ARFGEF1: variants seen among roughly 807,000 people sequenced by gnomAD.
The protein encoded by ARFGEF1 is brefeldin A-inhibited guanine nucleotide-exchange protein 1.
Under a neutral mutation model 231.0 loss-of-function variants are expected in ARFGEF1, and 42 were observed. That is an observed-to-expected ratio of 0.18 (90% CI 0.14 to 0.24). The LOEUF (loss-of-function observed/expected upper bound fraction) is 0.24, where lower values mean the gene tolerates loss of function less well. ARFGEF1 is among the 10% of genes least tolerant of loss of function. The probability of loss-of-function intolerance (pLI) is 1.00; values close to 1 mark genes in which losing one functional copy is unlikely to be tolerated. For missense variants in ARFGEF1, 1,345 were observed against 2,192.0 expected (o/e 0.61, Z 7.72); for synonymous variants, 710 against 732.3 (o/e 0.97, Z 0.49).
intron 1 of ARFGEF1, among the ~76,000 whole-genome samples, chr8:67,339,023 T>C (rs866064893): frequency 1.3e-5 from 2 of 152,158 alleles, no homozygotes; most frequent in South Asian, 2.1e-4. Flanking sequence ...CCAACAAAAA[T>C]AAGGGTGGGA....
rs764794086 is a variant in ARFGEF1, at chr8:67,200,529, T to C, written c.5268-16A>G. 2.7e-6 allele frequency: 4 copies of C among 1,487,346 alleles called. No homozygotes were observed. Among genetic ancestry groups the C allele is most frequent in the Non-Finnish European group, 2.8e-6 (3 of 1,067,974 alleles). 92.1% of individuals were successfully genotyped at this position (1,487,346 alleles called of 1,614,324 possible). On this transcript the variant is annotated splice_polypyrimidine_tract_variant and intron_variant, in intron 37 of 38. Transcript: ENST00000262215. ...ACTGCAGACACTGCAAAAGAAAAGG[T>C]TTCCTTTAATGTTACTTGCGTATCT... is the stretch of plus-strand genomic sequence containing the variant.
intron 18 of ARFGEF1, 63 bp from the exon 19 acceptor site, chr8:67,251,513 T>G: frequency 7.1e-7 from 1 of 1,408,630 alleles, no homozygotes; most frequent in African/African-American, 1.5e-5. Context: ...ATTTTGATAT[T>G]TTACTATCAA....
intron 1 of ARFGEF1, among the ~76,000 whole-genome samples, chr8:67,335,464 G>A (rs967189919): frequency 2.0e-5 from 3 of 151,958 alleles, no homozygotes; most frequent in Non-Finnish European, 2.9e-5. Context: ...TGAAGGATTC[G>A]TTTATAAAAA....
At chr8:67,248,551 G>A (rs1433224748) in intron 19 of ARFGEF1, among the ~76,000 whole-genome samples, 3 of 150,372 alleles carry the variant, frequency 2.0e-5, no homozygotes, top group Non-Finnish European at 4.4e-5. Flanking sequence ...AGAAAACATT[G>A]AGGATTCTCT....
chr8:67,219,059 C>T (rs753225072), intron 30 of ARFGEF1, among the ~76,000 whole-genome samples: 17 of 152,108 alleles, frequency 1.1e-4, no homozygotes, highest in South Asian at 4.2e-4. Flanking sequence ...CTCCACCTCC[C>T]GGGTTCAAAC....
At chr8:67,323,621 C>T (rs944835163) in intron 1 of ARFGEF1, among the ~76,000 whole-genome samples, 2 of 152,120 alleles carry the variant, frequency 1.3e-5, no homozygotes, top group African/African-American at 4.8e-5. Flanking sequence ...TCAGAATCAT[C>T]CTAAATGCCT....
chr8:67,244,424 T>C (rs1433487685), intron 19 of ARFGEF1, among the ~76,000 whole-genome samples: 1 of 137,232 alleles, frequency 7.3e-6, no homozygotes, highest in East Asian at 2.2e-4. Flanking sequence ...TCCTCCCACC[T>C]CAGCTTTCCT....
rs1838150139 is a variant in ARFGEF1, at chr8:67,197,962, T to G, written c.*972A>C. 1.0e-6 allele frequency: 1 copy of G among 985,718 alleles called. No homozygotes were observed. Among genetic ancestry groups the G allele is most frequent in the African/African-American group, 1.7e-5 (1 of 57,242 alleles). 61.1% of individuals were successfully genotyped at this position (985,718 alleles called of 1,614,324 possible). On this transcript the variant is annotated 3_prime_UTR_variant, in exon 39 of 39. Coordinates refer to ENST00000262215, the MANE Select transcript of ARFGEF1 (RefSeq NM_006421.5). ...TTATTTTAATATATTCAACGTTAAATTCTGTACATAGAGTAAAATCTACAT... is the reference window on the plus strand; with the variant it reads ...TTATTTTAATATATTCAACGTTAAAGTCTGTACATAGAGTAAAATCTACAT...
chr8:67,230,994 T>C (rs1037191774), intron 23 of ARFGEF1, among the ~76,000 whole-genome samples: 1 of 152,060 alleles, frequency 6.6e-6, no homozygotes, highest in Non-Finnish European at 1.5e-5. Flanking sequence ...GAACTAAACA[T>C]ACAAAAATTT....
intron 23 of ARFGEF1, among the ~76,000 whole-genome samples, 189 bp from the exon 24 acceptor site, chr8:67,228,453 C>T (rs1434656896): frequency 6.6e-6 from 1 of 151,912 alleles, no homozygotes; most frequent in Non-Finnish European, 1.5e-5. Flanking sequence ...CTCCCCTCCA[C>T]CTCTACTCCA....
chr8:67,186,418 TAAAA>T (rs60962928), intron 5 of ARFGEF1, among the ~76,000 whole-genome samples: 1,744 of 140,510 alleles, frequency 0.012, 17 homozygotes, highest in Non-Finnish European at 0.019. Context: ...TGTTTTAAAT[TAAAA>T]AAAAAAAAAA....
chr8:67,264,485 T>C (rs1804766259), intron 14 of ARFGEF1, among the ~76,000 whole-genome samples: 2 of 152,214 alleles, frequency 1.3e-5, no homozygotes, highest in Non-Finnish European at 2.9e-5. Context: ...TCTCTATTTG[T>C]CTTTTGTTTT....
chr8:67,202,302 C>T (rs936857995), intron 36 of ARFGEF1, among the ~76,000 whole-genome samples: 5 of 151,924 alleles, frequency 3.3e-5, no homozygotes, highest in African/African-American at 1.2e-4. Context: ...CTGTGTTGCC[C>T]AGGCTGGAGG....
chr8:67,175,487 G>T (rs146234559), exon 6 of ARFGEF1: 5 of 1,602,260 alleles, frequency 3.1e-6, no homozygotes, highest in Middle Eastern at 1.7e-4. Context: ...CTGTTTTTCC[G>T]TAGGCTTTCT....
At position 67,343,570 on chromosome 8, in the gene ARFGEF1, C is replaced by T; in HGVS notation, c.-283G>A. The T allele has an allele frequency of 8.9e-7, 1 of 1,126,488 alleles. No homozygotes were observed. Among genetic ancestry groups the T allele is most frequent in the Non-Finnish European group, 1.1e-6 (1 of 919,538 alleles). The allele number at this position is 1,126,488 out of a possible 1,614,324, so 69.8% of individuals were successfully genotyped here. ...CGGCCCGGGGGTCGCGTCCCGGCCG[C>T]CCCTCTCACTCGTCCCTCCGGCCCT... On this transcript the variant is annotated 5_prime_UTR_variant, in exon 1 of 39. Coordinates refer to ENST00000262215, the MANE Select transcript of ARFGEF1 (RefSeq NM_006421.5).
At chr8:67,271,110 T>C (rs1805079679) in intron 10 of ARFGEF1, among the ~76,000 whole-genome samples, 2 of 139,328 alleles carry the variant, frequency 1.4e-5, no homozygotes, top group South Asian at 4.8e-4. Context: ...ATTGAAAACA[T>C]CCCTAATTTA....
At chr8:67,184,075 A>G (rs1362493469) in intron 5 of ARFGEF1, among the ~76,000 whole-genome samples, 1 of 151,866 alleles carries the variant, frequency 6.6e-6, no homozygotes, top group Non-Finnish European at 1.5e-5. Context: ...CTGGTCTCGA[A>G]CTCCTGACCT....
chr8:67,328,840 T>C (rs1342997747), intron 1 of ARFGEF1, among the ~76,000 whole-genome samples: 1 of 152,122 alleles, frequency 6.6e-6, no homozygotes, highest in Non-Finnish European at 1.5e-5. Flanking sequence ...TTCTGAGGGT[T>C]TGAAAAGAAG....
intron 5 of ARFGEF1, chr8:67,177,775 A>G: frequency 8.0e-7 from 1 of 1,251,540 alleles, no homozygotes; most frequent in Non-Finnish European, 1.2e-6. Context: ...GGGATTAAAA[A>G]TCTTTAGGCA....
Sources: gnomAD v4.1 joint callset for allele counts (sites outside exome capture counted in the v4.1 genomes callset) on GRCh38, gnomAD v4.1.1 for gene constraint, MANE v1.5 for transcripts, NCBI Gene and HGNC (gene_info 2026-07-23, HGNC 2026-07-21) for gene names.